The following GPR137C variants were observed in gnomAD, a reference collection of about 807,000 sequenced individuals.
The protein encoded by GPR137C is G protein-coupled receptor 137C.
Under a neutral mutation model 43.4 loss-of-function variants are expected in GPR137C, and 27 were observed. That is an observed-to-expected ratio of 0.62 (90% CI 0.46 to 0.86). The LOEUF (loss-of-function observed/expected upper bound fraction) is 0.86. Ranked by LOEUF, GPR137C falls within the 40% of genes least tolerant of loss-of-function variation. GPR137C has a pLI of 0.00. For missense variants in GPR137C, 522 were observed against 534.6 expected, an observed-to-expected ratio of 0.98 and a Z score of 0.23; for synonymous variants, 285 against 226.9, an observed-to-expected ratio of 1.26 and a Z score of -2.30.
intron 1 of GPR137C, among the ~76,000 whole-genome samples, chr14:52,565,658 G>A (rs961532382): frequency 1.3e-5 from 2 of 152,174 alleles, no homozygotes; most frequent in Non-Finnish European, 2.9e-5. Flanking sequence ...GAATTTAAAA[G>A]TAGCATTTTC....
intron 1 of GPR137C, among the ~76,000 whole-genome samples, chr14:52,581,125 G>A (rs1433902423): frequency 6.6e-6 from 1 of 150,650 alleles, no homozygotes; most frequent in African/African-American, 2.4e-5. Flanking sequence ...GAACCCGGGC[G>A]GCAGAGGTTG....
intron 3 of GPR137C, among the ~76,000 whole-genome samples, chr14:52,630,705 G>GCC (rs2039284758): frequency 6.6e-6 from 1 of 150,746 alleles, no homozygotes; most frequent in Non-Finnish European, 1.5e-5. Context: ...CCCCGCAAGA[G>GCC]CCCCGCAAGA....
Position 52,557,226 on chromosome 14 carries a change from A to C in GPR137C, c.444+3635A>C, listed in dbSNP as rs2038208477. Among the ~76,000 whole-genome samples, 8 of 152,206 alleles carry C rather than the reference A, an allele frequency of 5.3e-5. No individual in the cohort carries two copies. The South Asian group carries it at 1.4e-3, about 28-fold the overall frequency. On this transcript the variant is annotated intron_variant, in intron 1 of 6. Transcript: ENST00000321662. The stretch of plus-strand genomic sequence containing the variant: ...AGAACAATGATGATTATATTATTGA[A>C]TGACACTTTATAAAAAGGTCAAAAT...
chr14:52,562,835 G>C lies in GPR137C; in HGVS notation c.444+9244G>C, dbSNP rs116096854. ...TAAGCTAATCATCTAATTTATGTTA[G>C]AAAAATAACAGGATAAATCCAAAGG... On this transcript the variant is annotated intron_variant, in intron 1 of 6. Transcript: ENST00000321662. Among the ~76,000 whole-genome samples the C allele has an allele frequency of 2.5e-3, 378 of 152,174 alleles. 4 individuals carry two copies. Among genetic ancestry groups the C allele is most frequent in the African/African-American group, 8.5e-3 (352 of 41,518 alleles).
At chr14:52,584,375 G>C (rs2038685967) in intron 1 of GPR137C, among the ~76,000 whole-genome samples, 1 of 152,136 alleles carries the variant, frequency 6.6e-6, no homozygotes, top group African/African-American at 2.4e-5. Context: ...GTTTTGAAAT[G>C]GTTACCCCTC....
chr14:52,598,312 A>G lies in GPR137C; in HGVS notation c.485A>G (p.His162Arg), dbSNP rs1398057167. The change falls in exon 2 of 7, where the codon CAC (histidine) becomes CGC (arginine). Residue 162 changes from histidine to arginine, a missense_variant. By Grantham distance (29) the His-to-Arg change is conservative (BLOSUM62 0). This residue lies in a region of GPR137C where 437 missense variants were observed against 425.7 expected (regional missense o/e 1.03). Coordinates refer to ENST00000321662, the MANE Select transcript of GPR137C (RefSeq NM_001099652.2). ...KVRCATELDR[H>R]KILLHLGFIM... ...AGATGTGCCACTGAACTTGACAGAC[A>G]CAAGTAAGTTTTATGAGTATCTAAA... 6 of 1,357,208 alleles carry G rather than the reference A, an allele frequency of 4.4e-6. No homozygotes were observed. Among genetic ancestry groups the G allele is most frequent in the Non-Finnish European group, 6.1e-6 (6 of 988,118 alleles). 84.1% of individuals were successfully genotyped at this position (1,357,208 alleles called of 1,614,324 possible). A position where few individuals can be genotyped will look rare whatever the true frequency, so the allele number is the denominator to read the frequency against.
At chr14:52,622,862 C>T (rs111972896) in intron 3 of GPR137C, among the ~76,000 whole-genome samples, 2,218 of 152,188 alleles carry the variant, frequency 0.015, 46 homozygotes, top group Admixed American at 0.038. Flanking sequence ...TCACCAAAGA[C>T]ATTCTTCAAT....
At chr14:52,584,433 G>A (rs2038686731) in intron 1 of GPR137C, among the ~76,000 whole-genome samples, 1 of 152,162 alleles carries the variant, frequency 6.6e-6, no homozygotes, top group Non-Finnish European at 1.5e-5. Context: ...GGCTGAACAG[G>A]CAGTTGCTGG....
intron 3 of GPR137C, among the ~76,000 whole-genome samples, chr14:52,613,903 G>T (rs573012704): frequency 1.1e-4 from 16 of 152,198 alleles, no homozygotes; most frequent in African/African-American, 3.9e-4. Flanking sequence ...TGGTAGCTCT[G>T]TTTTTAGTTT....
intron 1 of GPR137C, among the ~76,000 whole-genome samples, chr14:52,558,800 C>G (rs1171618159): frequency 6.6e-6 from 1 of 151,778 alleles, no homozygotes; most frequent in African/African-American, 2.4e-5. Context: ...GATGGTTAAA[C>G]AGATTAAACA....
chr14:52,625,466 A>G (rs1321043036), intron 3 of GPR137C, among the ~76,000 whole-genome samples: 3 of 132,220 alleles, frequency 2.3e-5, no homozygotes, highest in African/African-American at 5.6e-5. Context: ...TGGGTGACAG[A>G]GTGAGACTCC....
intron 1 of GPR137C, among the ~76,000 whole-genome samples, chr14:52,571,888 G>A (rs1169527155): frequency 6.6e-6 from 1 of 152,074 alleles, no homozygotes; most frequent in East Asian, 1.9e-4. Flanking sequence ...GAATCAAATA[G>A]ACACAGTAAG....
chr14:52,556,494 C>G (rs1422604576), intron 1 of GPR137C, among the ~76,000 whole-genome samples: 1 of 149,408 alleles, frequency 6.7e-6, no homozygotes, highest in Non-Finnish European at 1.5e-5. Flanking sequence ...ACTTAACCTC[C>G]TGGAAGCCTA....
At chr14:52,606,410 A>C (rs1451047091) in intron 3 of GPR137C, among the ~76,000 whole-genome samples, 1 of 151,858 alleles carries the variant, frequency 6.6e-6, no homozygotes, top group Non-Finnish European at 1.5e-5. Flanking sequence ...TTTATTTTAC[A>C]TGAATAGTGC....
At chr14:52,582,344 G>C (rs2038658527) in intron 1 of GPR137C, among the ~76,000 whole-genome samples, 1 of 152,080 alleles carries the variant, frequency 6.6e-6, no homozygotes, top group Non-Finnish European at 1.5e-5. Context: ...GAATTTGCAG[G>C]GGACATAAAC....
chr14:52,587,318 CTT>C (rs1484070279), intron 1 of GPR137C, among the ~76,000 whole-genome samples: 2 of 152,144 alleles, frequency 1.3e-5, no homozygotes, highest in African/African-American at 4.8e-5. Flanking sequence ...CCCTGAGACA[CTT>C]AACCTAACAA....
chr14:52,627,869 AAAAT>A (rs1350161710), intron 3 of GPR137C, among the ~76,000 whole-genome samples: 3 of 152,312 alleles, frequency 2.0e-5, no homozygotes, highest in Non-Finnish European at 4.4e-5. Flanking sequence ...TTAAAAATAA[AAAAT>A]AAAGTAGTGC....
intron 1 of GPR137C, among the ~76,000 whole-genome samples, chr14:52,594,193 T>C (rs1373688544): frequency 1.3e-5 from 2 of 152,182 alleles, no homozygotes; most frequent in Non-Finnish European, 2.9e-5. Flanking sequence ...GAGACACAGT[T>C]TGTTGTCATT....
chr14:52,609,577 A>C (rs2039016986), intron 3 of GPR137C, among the ~76,000 whole-genome samples: 1 of 152,204 alleles, frequency 6.6e-6, no homozygotes, highest in Non-Finnish European at 1.5e-5. Flanking sequence ...GATTCTAAAC[A>C]GACTGACTTG....
Sources: gnomAD v4.1 joint callset for allele counts (sites outside exome capture counted in the v4.1 genomes callset) on GRCh38, gnomAD v4.1.1 for gene constraint, gnomAD v4.1.1 regional missense constraint, MANE v1.5 for transcripts, NCBI Gene and HGNC (gene_info 2026-07-23, HGNC 2026-07-21) for gene names.